The following PCDHB7 variants were observed in gnomAD, a reference collection of about 807,000 sequenced individuals.
PCDHB7 encodes protocadherin beta 7.
For missense variants in PCDHB7, 1,148 were observed against 1,011.6 expected (o/e 1.13, Z -1.83); for synonymous variants, 542 against 463.1 (o/e 1.17, Z -2.19).
At position 141,175,112 on chromosome 5, in the gene PCDHB7, A is replaced by C. The variant is rs1488704023; in HGVS notation, c.2277A>C (p.Thr759=). 6 of 1,614,120 alleles carry C rather than the reference A, an allele frequency of 3.7e-6. No individual in the cohort carries two copies. The highest frequency in any genetic ancestry group is 5.1e-6 in the Non-Finnish European group (6 of 1,180,060). ...TGTGCCTGACTGGAGGCTCCGGGAC[A>C]AATGAGTTCAAGTTTCTGAAACCAA... ...YEVCLTGGSG[T]NEFKFLKPII... is the part of the protein sequence containing the mutation. The change falls in exon 1 of 1, where the codon ACA becomes ACC. Residue 759 remains threonine, a synonymous_variant. Transcript: ENST00000231137.
chr5:141,175,494 T>A lies in PCDHB7; in HGVS notation c.*277T>A. 1 of 468,558 alleles carries A rather than the reference T, an allele frequency of 2.1e-6. No individual in the cohort carries two copies. Among genetic ancestry groups the A allele is most frequent in the Non-Finnish European group, 3.7e-6 (1 of 271,616 alleles). 29.0% of individuals were successfully genotyped at this position (468,558 alleles called of 1,614,324 possible). On this transcript the variant is annotated 3_prime_UTR_variant, in exon 1 of 1. Transcript: ENST00000231137. The stretch of plus-strand genomic sequence containing the variant: ...TGAGATATTTTAAATTGCTTTCCAT[T>A]GTTTTCAATCTCTACTGAGACTTCC...
rs1753307449 is a variant in PCDHB7 at position 141,174,290 on chromosome 5, G to T, written c.1455G>T (p.Gln485His). The T allele has an allele frequency of 2.5e-6, 4 of 1,612,362 alleles. No homozygotes were observed. In the Admixed American group the frequency reaches 6.7e-5, roughly 27 times the overall value. The change falls in exon 1 of 1, where the codon CAG becomes CAT. Residue 485 changes from glutamine (Q) to histidine (H), a missense_variant. Physicochemically the swap from Gln to His is conservative, Grantham distance 24 (BLOSUM62 0). Transcript: ENST00000231137. ...ATDRDSGTNA[Q>H]VIYSLLPSQD... is the part of the protein sequence containing the mutation. ...ACAGAGACTCGGGCACCAACGCCCA[G>T]GTCATCTACTCCCTGCTGCCGTCCC...
rs538557000 is a variant in PCDHB7, at chr5:141,172,656, C to G, written c.-180C>G. The G allele has an allele frequency of 5.6e-6, 3 of 534,864 alleles. No individual in the cohort carries two copies. Among genetic ancestry groups the G allele is most frequent in the African/African-American group, 3.8e-5 (2 of 52,590 alleles). The allele number at this position is 534,864 out of a possible 1,614,324, so 33.1% of individuals were successfully genotyped here. On this transcript the variant is annotated 5_prime_UTR_variant, in exon 1 of 1. Coordinates refer to ENST00000231137, the MANE Select transcript of PCDHB7 (RefSeq NM_018940.4). Reference sequence around the variant, plus strand: ...TGTTACAGATTCCAGAGCAAAGAGGCAATCTGAAGAGAAAAGCATAGGAAA... The same window carrying G: ...TGTTACAGATTCCAGAGCAAAGAGGGAATCTGAAGAGAAAAGCATAGGAAA...
In PCDHB7 at chr5:141,175,407, G is replaced by T; in HGVS notation, c.*190G>T. The T allele has an allele frequency of 1.4e-6, 1 of 706,776 alleles. No homozygotes were observed. Among genetic ancestry groups the T allele is most frequent in the South Asian group, 2.2e-5 (1 of 45,150 alleles). 43.8% of individuals were successfully genotyped at this position (706,776 alleles called of 1,614,324 possible). A position where few individuals can be genotyped will look rare whatever the true frequency, so the allele number is the denominator to read the frequency against. ...CCTTCACAAAGCATGAAATGTATAT[G>T]TGTAATGTTTTATGTCAAACAATTA... is the stretch of plus-strand genomic sequence containing the variant. On this transcript the variant is annotated 3_prime_UTR_variant, in exon 1 of 1. Transcript: ENST00000231137.
rs17844460 is a variant in PCDHB7, at chr5:141,174,389, C to T, written c.1554C>T (p.Ser518=). The T allele has an allele frequency of 4.3e-6, 7 of 1,612,450 alleles. 1 individual carries two copies. In the East Asian group the frequency reaches 8.9e-5, roughly 21 times the overall value. Residue 518 remains serine, a synonymous_variant, in exon 1 of 1, where the codon TCC becomes TCT. Transcript: ENST00000231137. The part of the protein sequence containing the change: ...ADNGHLFALR[S]LDYEALQAFE... ...ACGGCCACCTGTTTGCCCTCAGGTC[C>T]CTGGACTACGAGGCCCTGCAGGCGT...
Position 141,173,397 on chromosome 5 carries a change from G to A in PCDHB7, c.562G>A (p.Gly188Arg), listed in dbSNP as rs1554279989. 1 of 1,614,102 alleles carries A rather than the reference G, an allele frequency of 6.2e-7. No individual in the cohort carries two copies. The highest frequency in any genetic ancestry group is 1.7e-5 in the Admixed American group (1 of 60,028). ...FHINVHDSGE[G>R]NIYPELVLNQ... Reference sequence around the variant, plus strand: ...TATTAATGTCCATGATAGCGGGGAGGGGAATATCTATCCCGAATTGGTGCT... The same window carrying A: ...TATTAATGTCCATGATAGCGGGGAGAGGAATATCTATCCCGAATTGGTGCT... The change falls in exon 1 of 1, where the codon GGG (glycine) becomes AGG (arginine). Residue 188 changes from glycine to arginine, a missense_variant. Physicochemically the swap from Gly to Arg is moderately radical, Grantham distance 125 (BLOSUM62 -2). Transcript: ENST00000231137.
rs187690757 is a variant in PCDHB7, at chr5:141,173,072, G to A, written c.237G>A (p.Ser79=). The change falls in exon 1 of 1, where the codon TCG becomes TCA. Residue 79 remains serine (S), a synonymous_variant. Transcript: ENST00000231137. The part of the protein sequence containing the change: ...DQNMQILLLS[S]LTGDLLLNEK... ...ACATGCAAATTTTACTGCTCAGTTC[G>A]CTTACTGGTGATCTACTTCTAAATG... The A allele has an allele frequency of 6.8e-6, 11 of 1,614,016 alleles. No homozygotes were observed. Among genetic ancestry groups the A allele is most frequent in the Non-Finnish European group, 8.5e-6 (10 of 1,180,036 alleles).
chr5:141,173,411 C>A lies in PCDHB7; in HGVS notation c.576C>A (p.Pro192=), dbSNP rs782816309. The A allele has an allele frequency of 1.2e-6, 2 of 1,614,090 alleles. No homozygotes were observed. The highest frequency in any genetic ancestry group is 2.2e-5 in the South Asian group (2 of 91,074). The change falls in exon 1 of 1, where the codon CCC becomes CCA. Residue 192 remains proline (P), a synonymous_variant. Coordinates refer to ENST00000231137, the MANE Select transcript of PCDHB7 (RefSeq NM_018940.4). ...VHDSGEGNIY[P]ELVLNQVLDR... Reference sequence around the variant, plus strand: ...ATAGCGGGGAGGGGAATATCTATCCCGAATTGGTGCTGAATCAAGTGCTGG... The same window carrying A: ...ATAGCGGGGAGGGGAATATCTATCCAGAATTGGTGCTGAATCAAGTGCTGG...
Position 141,173,308 on chromosome 5 carries a change from A to G in PCDHB7, c.473A>G (p.Gln158Arg). 1.9e-6 allele frequency: 3 copies of G among 1,614,146 alleles called. No homozygotes were observed. Among genetic ancestry groups the G allele is most frequent in the Non-Finnish European group, 2.5e-6 (3 of 1,179,990 alleles). ...GCGGCATTTCTCCTAGAGAGTGCACAGGATTCAGATGTTGGAACCAACAGC... is the reference window on the plus strand; with the variant it reads ...GCGGCATTTCTCCTAGAGAGTGCACGGGATTCAGATGTTGGAACCAACAGC... ...PGAAFLLESAQDSDVGTNSLS... is the reference protein window; with the variant it reads ...PGAAFLLESARDSDVGTNSLS... The change falls in exon 1 of 1, where the codon CAG becomes CGG. Residue 158 changes from glutamine to arginine, a missense_variant. Gln to Arg is a conservative substitution (Grantham distance 43). Coordinates refer to ENST00000231137, the MANE Select transcript of PCDHB7 (RefSeq NM_018940.4).
chr5:141,173,237 A>G lies in PCDHB7; in HGVS notation c.402A>G (p.Leu134=), dbSNP rs781968704. ...TCAATGATCACGCTCCAGTATTTCT[A>G]GACAGAGAGATTTCCTTGAAAATAT... ...RDINDHAPVF[L]DREISLKILE... Residue 134 remains leucine (L), a synonymous_variant, in exon 1 of 1, where the codon CTA becomes CTG. Coordinates refer to ENST00000231137, the MANE Select transcript of PCDHB7 (RefSeq NM_018940.4). 6.2e-6 allele frequency: 10 copies of G among 1,614,052 alleles called. No homozygotes were observed. Among genetic ancestry groups the G allele is most frequent in the South Asian group, 4.4e-5 (4 of 91,086 alleles).
rs782647934 is a variant in PCDHB7 at position 141,173,188 on chromosome 5, G to A, written c.353G>A (p.Arg118His). 1 of 1,613,876 alleles carries A rather than the reference G, an allele frequency of 6.2e-7. No homozygotes were observed. Among genetic ancestry groups the A allele is most frequent in the Non-Finnish European group, 8.5e-7 (1 of 1,179,896 alleles). Residue 118 changes from arginine to histidine, a missense_variant, in exon 1 of 1, where the codon CGT (arginine) becomes CAT (histidine). Transcript: ENST00000231137. ...LLLEKPFQIF[R>H]AELWVRDIND... ...TTGGAAAAACCTTTTCAGATTTTCC[G>A]TGCTGAACTATGGGTCAGAGACATC...
In PCDHB7 at chr5:141,174,487, T is replaced by C. The variant is rs1554280250; in HGVS notation, c.1652T>C (p.Val551Ala). 1.2e-6 allele frequency: 2 copies of C among 1,611,232 alleles called. No individual in the cohort carries two copies. The highest frequency in any genetic ancestry group is 1.7e-5 in the Admixed American group (1 of 59,942). The change falls in exon 1 of 1, where the codon GTG becomes GCG. Residue 551 changes from valine (V) to alanine (A), a missense_variant. Transcript: ENST00000231137. ...LSSEALVRVL[V>A]LDANDNSPFV... The stretch of plus-strand genomic sequence containing the variant: ...AGCGAGGCGCTGGTGCGCGTGCTGG[T>C]GCTGGACGCCAACGACAACTCGCCC...
chr5:141,176,041 G>A lies in PCDHB7; in HGVS notation c.*824G>A, dbSNP rs782016120. On this transcript the variant is annotated 3_prime_UTR_variant, in exon 1 of 1. Transcript: ENST00000231137. Reference sequence around the variant, plus strand: ...CTCAAGCGGAAAACAAAATTGAAAGGGCAACCTGTGCCTTCTCCTTTCTTC... The same window carrying A: ...CTCAAGCGGAAAACAAAATTGAAAGAGCAACCTGTGCCTTCTCCTTTCTTC... 1.2e-5 allele frequency: 2 copies of A among 167,164 alleles called. No homozygotes were observed. Among genetic ancestry groups the A allele is most frequent in the African/African-American group, 2.4e-5 (1 of 41,446 alleles). 10.4% of individuals were successfully genotyped at this position (167,164 alleles called of 1,614,324 possible). A position where few individuals can be genotyped will look rare whatever the true frequency, so the allele number is the denominator to read the frequency against.
In PCDHB7 at chr5:141,172,825, T is replaced by A; in HGVS notation, c.-11T>A. ...AGTGAAAGTCATTTTGAAAGACTGA[T>A]CCAAAGAAGAATGGAGGCCAGAGTG... On this transcript the variant is annotated 5_prime_UTR_variant, in exon 1 of 1. Transcript: ENST00000231137. 6.2e-7 allele frequency: 1 copy of A among 1,602,656 alleles called. No individual in the cohort carries two copies. The highest frequency in any genetic ancestry group is 8.5e-7 in the Non-Finnish European group (1 of 1,172,178).
rs781991239 is a variant in PCDHB7 at position 141,174,051 on chromosome 5, G to C, written c.1216G>C (p.Glu406Gln). The change falls in exon 1 of 1, where the codon GAG becomes CAG. Residue 406 changes from glutamate (E) to glutamine (Q), a missense_variant. Glu to Gln is a conservative substitution (Grantham distance 29, BLOSUM62 2). Coordinates refer to ENST00000231137, the MANE Select transcript of PCDHB7 (RefSeq NM_018940.4). ...CGAAAACTTCTATACTCTGGTAACA[G>C]AGAAACCTTTGGATCGAGAGAGGAA... ...SVENFYTLVT[E>Q]KPLDRERNTE... is the part of the protein sequence containing the mutation. The C allele has an allele frequency of 3.1e-6, 5 of 1,614,060 alleles. No individual in the cohort carries two copies. The East Asian group carries it at 6.7e-5, about 22-fold the overall frequency.
Position 141,173,885 on chromosome 5 carries a change from T to C in PCDHB7, c.1050T>C (p.Ser350=). 2 of 1,613,280 alleles carry C rather than the reference T, an allele frequency of 1.2e-6. No individual in the cohort carries two copies. The highest frequency in any genetic ancestry group is 1.7e-6 in the Non-Finnish European group (2 of 1,179,414). ...ATAATCGACCCGAGCTGCTCCTGTC[T>C]TCACTTACTAGCCCAATTGCAGAAA... ...INDNRPELLL[S]SLTSPIAENS... Residue 350 remains serine (S), a synonymous_variant, in exon 1 of 1, where the codon TCT becomes TCC. Coordinates refer to ENST00000231137, the MANE Select transcript of PCDHB7 (RefSeq NM_018940.4).
rs545485280 is a variant in PCDHB7 at position 141,174,293 on chromosome 5, C to T, written c.1458C>T (p.Val486=). The T allele has an allele frequency of 5.0e-6, 8 of 1,612,506 alleles. No homozygotes were observed. In the South Asian group the frequency reaches 8.8e-5, roughly 18 times the overall value. The change falls in exon 1 of 1, where the codon GTC becomes GTT. Residue 486 remains valine (V), a synonymous_variant. Coordinates refer to ENST00000231137, the MANE Select transcript of PCDHB7 (RefSeq NM_018940.4). ...TDRDSGTNAQ[V]IYSLLPSQDP... Reference sequence around the variant, plus strand: ...GAGACTCGGGCACCAACGCCCAGGTCATCTACTCCCTGCTGCCGTCCCAGG... The same window carrying T: ...GAGACTCGGGCACCAACGCCCAGGTTATCTACTCCCTGCTGCCGTCCCAGG...
rs375732369 is a variant in PCDHB7, at chr5:141,174,909, T to C, written c.2074T>C (p.Leu692=). The change falls in exon 1 of 1, where the codon TTG becomes CTG. Residue 692 remains leucine (L), a synonymous_variant. Coordinates refer to ENST00000231137, the MANE Select transcript of PCDHB7 (RefSeq NM_018940.4). ...NSLTVYLVVA[L]ASVSSLFLLS... The stretch of plus-strand genomic sequence containing the variant: ...GCTCACCGTCTACCTGGTGGTGGCG[T>C]TGGCCTCGGTGTCTTCGCTCTTCCT... The C allele has an allele frequency of 8.7e-6, 14 of 1,610,698 alleles. No individual in the cohort carries two copies. In the African/African-American group the frequency reaches 1.7e-4, roughly 20 times the overall value.
In PCDHB7 at chr5:141,173,423, G is replaced by A. The variant is rs782763470; in HGVS notation, c.588G>A (p.Leu196=). ...GEGNIYPELV[L]NQVLDREEIP... ...GGAATATCTATCCCGAATTGGTGCT[G>A]AATCAAGTGCTGGATCGGGAAGAGA... The change falls in exon 1 of 1, where the codon CTG becomes CTA. Residue 196 remains leucine, a synonymous_variant. Coordinates refer to ENST00000231137, the MANE Select transcript of PCDHB7 (RefSeq NM_018940.4). 3 of 1,614,176 alleles carry A rather than the reference G, an allele frequency of 1.9e-6. No homozygotes were observed. The highest frequency in any genetic ancestry group is 2.5e-6 in the Non-Finnish European group (3 of 1,180,046).
Sources: allele counts gnomAD v4.1 joint callset, GRCh38; gene constraint gnomAD v4.1.1; transcripts MANE v1.5; gene names NCBI Gene and HGNC (gene_info 2026-07-23, HGNC 2026-07-21).